The following UBR1 variants were observed in gnomAD, a reference collection of about 807,000 sequenced individuals.
The protein encoded by UBR1 is ubiquitin protein ligase E3 component n-recognin 1.
A neutral mutation model predicts 242.1 loss-of-function variants in UBR1; 102 were observed. The ratio of observed to expected loss-of-function variants is 0.42; its 90% CI spans 0.36 to 0.50. The LOEUF (loss-of-function observed/expected upper bound fraction) is 0.50, where lower values mean the gene tolerates loss of function less well. Ranked by LOEUF, UBR1 falls within the 20% of genes least tolerant of loss-of-function variation. UBR1 has a pLI of 0.01. For synonymous variants in UBR1, 675 were observed against 684.8 expected (o/e 0.99, Z 0.22); for missense variants, 1,772 against 2,101.8 (o/e 0.84, Z 3.07).
intron 23 of UBR1, 73 bp from the exon 24 acceptor site, chr15:43,025,502 G>A: frequency 8.8e-7 from 1 of 1,140,290 alleles, no homozygotes; most frequent in Non-Finnish European, 1.3e-6. Context: ...AAGCAGTCAG[G>A]AAAGACCCAA....
At chr15:43,084,313 T>C (rs1271657526) in intron 2 of UBR1, among the ~76,000 whole-genome samples, 1 of 152,114 alleles carries the variant, frequency 6.6e-6, no homozygotes, top group African/African-American at 2.4e-5. Context: ...TAAAAATATC[T>C]CCATGAAACT....
At chr15:43,078,322 T>C (rs2033931809) in intron 3 of UBR1, among the ~76,000 whole-genome samples, 1 of 152,022 alleles carries the variant, frequency 6.6e-6, no homozygotes. Flanking sequence ...AAAAGGGATA[T>C]AAGGGAAAAT....
At position 42,999,382 on chromosome 15, in the gene UBR1, C is replaced by A. The variant is rs139591827; in HGVS notation, c.3660-1117G>T. On this transcript the variant is annotated intron_variant, in intron 32 of 46. Transcript: ENST00000290650. Reference sequence around the variant, plus strand: ...CCTGACAACTCTGTCTATAAATAGCCTCATGCCCCAGTCTGTCTTCAGCCC... The same window carrying A: ...CCTGACAACTCTGTCTATAAATAGCATCATGCCCCAGTCTGTCTTCAGCCC... Among the ~76,000 whole-genome samples, 121 of 152,346 alleles carry A rather than the reference C, an allele frequency of 7.9e-4. 3 individuals carry two copies. In the East Asian group the frequency reaches 0.021, roughly 26 times the overall value.
chr15:43,038,221 G>A lies in UBR1; in HGVS notation c.1861C>T (p.Arg621Cys), dbSNP rs767710329. ...LSRTLAGLHV[R>C]LSRLGAVSRL... is the part of the protein sequence containing the mutation. ...GAAACAGCACCCAGCCTGCTTAAACGTACATGAAGACCTAAAGTTAAAAAA... is the reference window on the plus strand; with the variant it reads ...GAAACAGCACCCAGCCTGCTTAAACATACATGAAGACCTAAAGTTAAAAAA... The change falls in exon 16 of 47, where the codon CGT (arginine) becomes TGT (cysteine). Residue 621 changes from arginine (R) to cysteine (C), a missense_variant. By Grantham distance (180) the Arg-to-Cys change is radical. Around this residue, in one of 3 missense-constraint regions of UBR1, gnomAD observed 734 missense variants for 893.3 expected, o/e 0.82. Transcript: ENST00000290650. The A allele has an allele frequency of 2.5e-5, 40 of 1,613,816 alleles. No individual in the cohort carries two copies. Among genetic ancestry groups the A allele is most frequent in the South Asian group, 6.6e-5 (6 of 91,074 alleles).
At position 43,043,322 on chromosome 15, in the gene UBR1, C is replaced by T; in HGVS notation, c.1742G>A (p.Ser581Asn). 5.0e-6 allele frequency: 8 copies of T among 1,614,080 alleles called. No homozygotes were observed. The highest frequency in any genetic ancestry group is 6.8e-6 in the Non-Finnish European group (8 of 1,180,018). ...VMRCSTSFIS[S>N]SKTVVQSCGH... is the part of the protein sequence containing the mutation. ...ACACGATTGTACTACTGTCTTGCTA[C>T]TAGATATGAAACTGGTACTGCACCT... Residue 581 changes from serine (S) to asparagine (N), a missense_variant, in exon 15 of 47, where the codon AGT (serine) becomes AAT (asparagine). Coordinates refer to ENST00000290650, the MANE Select transcript of UBR1 (RefSeq NM_174916.3).
At position 43,007,258 on chromosome 15, in the gene UBR1, C is replaced by T; in HGVS notation, c.3236G>A (p.Arg1079Lys). The stretch of plus-strand genomic sequence containing the variant: ...ACCCCGTTTAGGACCCAAAGCAATT[C>T]TAGAGTAGTCACTGACTGCTGGGGT... ...ESTPAVSDYS[R>K]IALGPKRGPS... The change falls in exon 30 of 47, where the codon AGA (arginine) becomes AAA (lysine). Residue 1079 changes from arginine to lysine, a missense_variant. Coordinates refer to ENST00000290650, the MANE Select transcript of UBR1 (RefSeq NM_174916.3). The T allele has an allele frequency of 6.2e-7, 1 of 1,614,102 alleles. No individual in the cohort carries two copies. Among genetic ancestry groups the T allele is most frequent in the South Asian group, 1.1e-5 (1 of 91,082 alleles).
intron 2 of UBR1, among the ~76,000 whole-genome samples, chr15:43,083,858 C>A (rs568043515): frequency 4.0e-5 from 6 of 151,882 alleles, no homozygotes; most frequent in Non-Finnish European, 7.4e-5. Context: ...GCCTGACCAA[C>A]ATGGAGAAAC....
At position 43,075,232 on chromosome 15, in the gene UBR1, A is replaced by G. The variant is rs372951476; in HGVS notation, c.418-143T>C. 84 of 757,854 alleles carry G rather than the reference A, an allele frequency of 1.1e-4. No individual in the cohort carries two copies. The East Asian group carries it at 2.1e-3, about 19-fold the overall frequency. 46.9% of individuals were successfully genotyped at this position (757,854 alleles called of 1,614,324 possible). ...GTAATATTAACTGGATGTAACAAAA[A>G]CCATTTTCGATTAGTTACCTAAAAA... is the stretch of plus-strand genomic sequence containing the variant. On this transcript the variant is annotated intron_variant, in intron 3 of 46. Coordinates refer to ENST00000290650, the MANE Select transcript of UBR1 (RefSeq NM_174916.3).
At chr15:43,041,781 T>C (rs951322752) in intron 15 of UBR1, among the ~76,000 whole-genome samples, 1 of 152,144 alleles carries the variant, frequency 6.6e-6, no homozygotes, top group Non-Finnish European at 1.5e-5. Context: ...GTAAATCACA[T>C]ATCTGATGAA....
At chr15:43,024,089 C>T (rs1202328426) in intron 25 of UBR1, among the ~76,000 whole-genome samples, 1 of 152,134 alleles carries the variant, frequency 6.6e-6, no homozygotes, top group East Asian at 1.9e-4. Context: ...ATGCTTATGT[C>T]CTATATAGCA....
intron 9 of UBR1, among the ~76,000 whole-genome samples, chr15:43,058,781 C>T (rs16957370): frequency 0.01 from 1,556 of 152,026 alleles, 17 homozygotes; most frequent in African/African-American, 0.036. Flanking sequence ...GCATCTTTTT[C>T]GCTACTCGAT....
intron 4 of UBR1, among the ~76,000 whole-genome samples, chr15:43,074,637 C>A (rs967842959): frequency 3.9e-5 from 6 of 152,102 alleles, no homozygotes; most frequent in African/African-American, 1.4e-4. Context: ...ATCATGTTGG[C>A]CAGGCTGGTC....
intron 14 of UBR1, among the ~76,000 whole-genome samples, chr15:43,044,991 A>G (rs904057056): frequency 3.3e-5 from 5 of 152,222 alleles, no homozygotes; most frequent in Non-Finnish European, 7.3e-5. Context: ...ACATGAACCC[A>G]GAACATTTTT....
Position 43,067,979 on chromosome 15 carries a change from G to A in UBR1, c.717C>T (p.Asp239=), listed in dbSNP as rs1371027944. Residue 239 remains aspartate (D), a synonymous_variant, in exon 6 of 47, where the codon GAC becomes GAT. Coordinates refer to ENST00000290650, the MANE Select transcript of UBR1 (RefSeq NM_174916.3). ...VLFNDEHHSY[D]HVIYSLQRAL... is the part of the protein sequence containing the mutation. ...CTCTTTGTAGGCTGTATATGACGTG[G>A]TCATATGAATGGTGTTCATCATTGA... 2 of 1,611,986 alleles carry A rather than the reference G, an allele frequency of 1.2e-6. No homozygotes were observed. The highest frequency in any genetic ancestry group is 1.7e-6 in the Non-Finnish European group (2 of 1,179,208).
chr15:43,011,993 G>A (rs1167887969), intron 29 of UBR1: 10 of 436,162 alleles, frequency 2.3e-5, no homozygotes, highest in East Asian at 7.2e-5. Flanking sequence ...TTGGGAGGCC[G>A]AGGTGGGCGG....
chr15:43,091,595 T>C (rs1443127982), intron 1 of UBR1, among the ~76,000 whole-genome samples: 1 of 152,142 alleles, frequency 6.6e-6, no homozygotes, highest in Non-Finnish European at 1.5e-5. Flanking sequence ...CTACTAAATA[T>C]TCTTAAATTA....
At chr15:43,025,289 A>G in intron 24 of UBR1, 92 bp downstream of exon 24, 1 of 1,344,442 alleles carries the variant, frequency 7.4e-7, no homozygotes, top group Non-Finnish European at 1.0e-6. Context: ...GCCCACTCTC[A>G]AAAACCAACA....
intron 18 of UBR1, 101 bp downstream of exon 18, chr15:43,036,427 G>C: frequency 2.5e-6 from 3 of 1,191,744 alleles, no homozygotes; most frequent in South Asian, 2.5e-5. Context: ...TTAACAGTGA[G>C]AGTATTTTAA....
chr15:43,029,124 C>T (rs910443559), intron 21 of UBR1, among the ~76,000 whole-genome samples: 36 of 151,914 alleles, frequency 2.4e-4, no homozygotes, highest in Admixed American at 2.2e-3. Context: ...TACACACACA[C>T]GCACACACAC....
Sources: allele counts gnomAD v4.1 joint callset (sites outside exome capture counted in the v4.1 genomes callset), GRCh38; gene constraint gnomAD v4.1.1; regional missense constraint gnomAD v4.1.1; transcripts MANE v1.5; gene names NCBI Gene and HGNC (gene_info 2026-07-23, HGNC 2026-07-21).